PEX2: variants seen among roughly 807,000 people sequenced by gnomAD.
PEX2 encodes peroxisome biogenesis factor 2.
Under a neutral mutation model 25.2 loss-of-function variants are expected in PEX2, and 19 were observed. That is an observed-to-expected ratio of 0.75 (90% CI 0.53 to 1.10). The LOEUF (loss-of-function observed/expected upper bound fraction) is 1.10. Among genes scored for constraint, PEX2 ranks in the 50% least tolerant of loss-of-function variants. PEX2 has a pLI of 0.00. For missense variants in PEX2, 347 were observed against 350.6 expected, an observed-to-expected ratio of 0.99 and a Z score of 0.08; for synonymous variants, 141 against 127.7, an observed-to-expected ratio of 1.10 and a Z score of -0.70.
At position 76,993,069 on chromosome 8, in the gene PEX2, G is replaced by A. The variant is rs75941204; in HGVS notation, c.-159-4731C>T. 9.3e-3 allele frequency among the ~76,000 whole-genome samples: 1,412 copies of A among 152,256 alleles called. 10 individuals are homozygous for A. The highest frequency in any genetic ancestry group is 0.013 in the Non-Finnish European group (917 of 68,016). On this transcript the variant is annotated intron_variant, in intron 1 of 3. Transcript: ENST00000357039. ...CCTTGGTTATTTAACCCCCGTCAAT[G>A]TGGCTGCATCTGTTATCTGGAAGGA... is the stretch of plus-strand genomic sequence containing the variant.
At chr8:76,998,634 CAT>C (rs1491049683) in intron 1 of PEX2, among the ~76,000 whole-genome samples, 1 of 152,134 alleles carries the variant, frequency 6.6e-6, no homozygotes, top group Non-Finnish European at 1.5e-5. Context: ...TCGTTTAAGA[CAT>C]AAATTTAATC....
In PEX2 at chr8:76,989,577, G is replaced by A. The variant is rs140587899; in HGVS notation, c.-159-1239C>T. On this transcript the variant is annotated intron_variant, in intron 1 of 3. Transcript: ENST00000357039. ...TCAAAATTACTCCTTGATCCATGGG[G>A]TGCAGAATGAATGCTGTGATAGCAG... is the stretch of plus-strand genomic sequence containing the variant. 5.1e-3 allele frequency among the ~76,000 whole-genome samples: 783 copies of A among 152,226 alleles called. 5 individuals are homozygous for A. Among genetic ancestry groups the A allele is most frequent in the Middle Eastern group, 0.02 (6 of 294 alleles).
rs1806885963 is a variant in PEX2 at position 76,983,156 on chromosome 8, G to A, written c.*105C>T. On this transcript the variant is annotated 3_prime_UTR_variant, in exon 4 of 4. Transcript: ENST00000357039. Reference sequence around the variant, plus strand: ...CTGGAAAGGAGAAGACAGTGGCTAGGAGCACATTCCTTATAAAGGATACAT... The same window carrying A: ...CTGGAAAGGAGAAGACAGTGGCTAGAAGCACATTCCTTATAAAGGATACAT... 1 of 1,589,324 alleles carries A rather than the reference G, an allele frequency of 6.3e-7. No homozygotes were observed. The highest frequency in any genetic ancestry group is 1.1e-5 in the South Asian group (1 of 89,244).
At position 76,983,074 on chromosome 8, in the gene PEX2, C is replaced by A. The variant is rs1298170845; in HGVS notation, c.*187G>T. 3 of 1,396,576 alleles carry A rather than the reference C, an allele frequency of 2.1e-6. No homozygotes were observed. The highest frequency in any genetic ancestry group is 2.8e-6 in the Non-Finnish European group (3 of 1,065,152). The allele number at this position is 1,396,576 out of a possible 1,614,324, so 86.5% of individuals were successfully genotyped here. A position where few individuals can be genotyped will look rare whatever the true frequency, so the allele number is the denominator to read the frequency against. On this transcript the variant is annotated 3_prime_UTR_variant, in exon 4 of 4. Coordinates refer to ENST00000357039, the MANE Select transcript of PEX2 (RefSeq NM_000318.3). ...TGATTTAAAAAACATAATACATTAA[C>A]ATTTACATAATATATTTAGAATCAC... is the stretch of plus-strand genomic sequence containing the variant.
chr8:76,983,296 A>G lies in PEX2; in HGVS notation c.883T>C (p.Ser295Pro). 1 of 1,613,846 alleles carries G rather than the reference A, an allele frequency of 6.2e-7. No homozygotes were observed. Among genetic ancestry groups the G allele is most frequent in the Non-Finnish European group, 8.5e-7 (1 of 1,180,022 alleles). Residue 295 changes from serine (S) to proline (P), a missense_variant, in exon 4 of 4, where the codon TCA becomes CCA. Coordinates refer to ENST00000357039, the MANE Select transcript of PEX2 (RefSeq NM_000318.3). The part of the protein sequence containing the change: ...TEVHSLQPLK[S>P]GIEMSEVNAL ...TTTACTTCTGACATCTCGATTCCTG[A>G]TTTCAGTGGCTGCAGACTGTGTACT...
intron 3 of PEX2, 117 bp from the exon 4 acceptor site, chr8:76,984,312 GTT>G (rs1318010671): frequency 1.3e-6 from 1 of 748,042 alleles, no homozygotes; most frequent in Non-Finnish European, 2.2e-6. Context: ...GGCGATGAGC[GTT>G]TCAGTAGTCT....
chr8:76,997,055 C>T (rs1286707712), intron 1 of PEX2, among the ~76,000 whole-genome samples: 8 of 152,160 alleles, frequency 5.3e-5, no homozygotes, highest in African/African-American at 1.9e-4. Flanking sequence ...ATTCAAAAGA[C>T]CAGACTGCCA....
chr8:76,984,106 G>A lies in PEX2; in HGVS notation c.73C>T (p.Leu25=), dbSNP rs1586070356. ...LRISQLDALE[L]NKALEQLVWS... is the part of the protein sequence containing the mutation. ...ACTAGCTGCTCCAGGGCCTTGTTTA[G>A]TTCAAGTGCATCCAACTGGCTTATT... Residue 25 remains leucine, a synonymous_variant, in exon 4 of 4, where the codon CTA becomes TTA. Transcript: ENST00000357039. 3 of 1,613,766 alleles carry A rather than the reference G, an allele frequency of 1.9e-6. No individual in the cohort carries two copies. In the East Asian group the frequency reaches 6.7e-5, roughly 36 times the overall value.
At chr8:76,990,148 C>T (rs544071660) in intron 1 of PEX2, among the ~76,000 whole-genome samples, 6 of 152,272 alleles carry the variant, frequency 3.9e-5, no homozygotes, top group East Asian at 1.9e-4. Flanking sequence ...TTAAATCTCA[C>T]GAACCAACCT....
intron 1 of PEX2, among the ~76,000 whole-genome samples, chr8:76,999,061 T>G (rs1462028078): frequency 6.6e-6 from 1 of 152,054 alleles, no homozygotes; most frequent in Non-Finnish European, 1.5e-5. Flanking sequence ...GTAATCTTTC[T>G]GGAAACAAGT....
At chr8:77,000,109 G>C (rs1807460998), upstream of PEX2, 1 of 374,754 alleles carries the variant, frequency 2.7e-6, no homozygotes, top group African/African-American at 2.2e-5. Flanking sequence ...CAGGCTTCCG[G>C]AGCGACGCAG....
rs777973215 is a variant in PEX2, at chr8:76,980,545, G to C, written c.*2716C>G. The C allele has an allele frequency of 1.3e-5, 2 of 152,168 alleles. No individual in the cohort carries two copies. Among genetic ancestry groups the C allele is most frequent in the Non-Finnish European group, 2.9e-5 (2 of 68,052 alleles). The allele number at this position is 152,168 out of a possible 1,614,324, so 9.4% of individuals were successfully genotyped here. Reference sequence around the variant, plus strand: ...GCATCACCTACATTTAAGTAACCAGGAACAGTATTTTCCATCCCCTAGCTA... The same window carrying C: ...GCATCACCTACATTTAAGTAACCAGCAACAGTATTTTCCATCCCCTAGCTA... On this transcript the variant is annotated 3_prime_UTR_variant, in exon 4 of 4. Coordinates refer to ENST00000357039, the MANE Select transcript of PEX2 (RefSeq NM_000318.3).
intron 1 of PEX2, among the ~76,000 whole-genome samples, chr8:76,998,966 T>G (rs1807416203): frequency 6.6e-6 from 1 of 151,834 alleles, no homozygotes; most frequent in Non-Finnish European, 1.5e-5. Flanking sequence ...TATTTTTTTT[T>G]TTAAGAAAAA....
rs1005330978 is a variant in PEX2, at chr8:76,981,429, C to G, written c.*1832G>C. 1 of 152,206 alleles carries G rather than the reference C, an allele frequency of 6.6e-6. No homozygotes were observed. The highest frequency in any genetic ancestry group is 1.5e-5 in the Non-Finnish European group (1 of 68,062). The allele number at this position is 152,206 out of a possible 1,614,324, so 9.4% of individuals were successfully genotyped here. A position where few individuals can be genotyped will look rare whatever the true frequency, so the allele number is the denominator to read the frequency against. On this transcript the variant is annotated 3_prime_UTR_variant, in exon 4 of 4. Transcript: ENST00000357039. Reference sequence around the variant, plus strand: ...GGTTAGCCATGATCACACCACTGCACTCCAACCTGGGTGACTGGGTGAGGC... The same window carrying G: ...GGTTAGCCATGATCACACCACTGCAGTCCAACCTGGGTGACTGGGTGAGGC...
chr8:76,993,952 G>A (rs1169893499), intron 1 of PEX2, among the ~76,000 whole-genome samples: 2 of 152,058 alleles, frequency 1.3e-5, no homozygotes, highest in Non-Finnish European at 2.9e-5. Context: ...TTAAGGATAT[G>A]TGAAAAAGAT....
rs201159018 is a variant in PEX2 at position 76,996,695 on chromosome 8, C to T, written c.-160+3295G>A. Among the ~76,000 whole-genome samples the T allele has an allele frequency of 5.3e-5, 8 of 152,170 alleles. No individual in the cohort carries two copies. The East Asian group carries it at 9.6e-4, about 18-fold the overall frequency. ...GCACATTTTATGGTACAAGAGAACA[C>T]GGAAATATCCCCAAAGGAACAAAGA... On this transcript the variant is annotated intron_variant, in intron 1 of 3. Coordinates refer to ENST00000357039, the MANE Select transcript of PEX2 (RefSeq NM_000318.3).
chr8:77,000,172 G>A (rs1807463165), upstream of PEX2: 1 of 315,854 alleles, frequency 3.2e-6, no homozygotes, highest in South Asian at 2.4e-5. Flanking sequence ...CGAGAACTGC[G>A]CTTTAGCGGC....
chr8:76,990,904 T>C (rs1269466973), intron 1 of PEX2, among the ~76,000 whole-genome samples: 3 of 61,098 alleles, frequency 4.9e-5, no homozygotes, highest in Admixed American at 2.3e-4. Flanking sequence ...ATTGTGCAGA[T>C]AAACTTGATT....
rs774320077 is a variant in PEX2, at chr8:76,980,956, CAAA to C, written c.*2302_*2304del. On this transcript the variant is annotated 3_prime_UTR_variant, in exon 4 of 4. Transcript: ENST00000357039. ...TGTCCCTCATGCCATGTACACTCAT[CAAA>C]AAAATGAGAGCCAAAGGATAAAGCC... is the stretch of plus-strand genomic sequence containing the variant. 4 of 152,002 alleles carry C rather than the reference CAAA, an allele frequency of 2.6e-5. No individual in the cohort carries two copies. The highest frequency in any genetic ancestry group is 2.6e-4 in the Admixed American group (4 of 15,260). The allele number at this position is 152,002 out of a possible 1,614,324, so 9.4% of individuals were successfully genotyped here.
Sources: allele counts gnomAD v4.1 joint callset (sites outside exome capture counted in the v4.1 genomes callset), GRCh38; gene constraint gnomAD v4.1.1; transcripts MANE v1.5; gene names NCBI Gene and HGNC (gene_info 2026-07-23, HGNC 2026-07-21).